MAN1A2: variants seen among roughly 807,000 people sequenced by gnomAD.
MAN1A2 encodes the protein mannosidase alpha class 1A member 2, also known as mannosyl-oligosaccharide 1,2-alpha-mannosidase IB.
Under a neutral mutation model 75.7 loss-of-function variants are expected in MAN1A2, and 26 were observed. The observed-to-expected ratio is 0.34, with a 90% CI of 0.25 to 0.48. The LOEUF (loss-of-function observed/expected upper bound fraction) is 0.48. Among genes scored for constraint, MAN1A2 ranks in the 20% least tolerant of loss-of-function variants. The pLI, the probability that MAN1A2 is intolerant of heterozygous loss-of-function variation, is 0.99. For missense variants in MAN1A2, 562 were observed against 775.5 expected, an observed-to-expected ratio of 0.72 and a Z score of 3.27; for synonymous variants, 247 against 264.6, an observed-to-expected ratio of 0.93 and a Z score of 0.65.
At chr1:117,371,741 C>T (rs902881268) in intron 1 of MAN1A2, among the ~76,000 whole-genome samples, 8 of 152,126 alleles carry the variant, frequency 5.3e-5, no homozygotes, top group African/African-American at 9.7e-5. Flanking sequence ...GTTTTTTGGC[C>T]TCCTTATTGT....
chr1:117,496,948 T>G lies in MAN1A2; in HGVS notation c.1470T>G (p.Ile490Met). The change falls in exon 10 of 13, where the codon ATT becomes ATG. Residue 490 changes from isoleucine (I) to methionine (M), a missense_variant. Transcript: ENST00000356554. ...AGHYLELGAE[I>M]ARTCHESYDR... ...ATTATTTAGAGCTAGGGGCAGAAAT[T>G]GCACGTACTTGTCATGAGTCATATG... The G allele has an allele frequency of 6.2e-7, 1 of 1,612,326 alleles. No individual in the cohort carries two copies. Among genetic ancestry groups the G allele is most frequent in the Non-Finnish European group, 8.5e-7 (1 of 1,179,010 alleles).
Position 117,442,134 on chromosome 1 carries a change from C to T in MAN1A2, c.856-97C>T, listed in dbSNP as rs966556039. 1.7e-4 allele frequency: 130 copies of T among 781,684 alleles called. No homozygotes were observed. The African/African-American group carries it at 2.1e-3, about 12-fold the overall frequency. 48.4% of individuals were successfully genotyped at this position (781,684 alleles called of 1,614,324 possible). A position where few individuals can be genotyped will look rare whatever the true frequency, so the allele number is the denominator to read the frequency against. ...TTTTCCTACCCTGTGCTCCCGTGTA[C>T]CCAGTACCTTGTGCTATGTATACTA... On this transcript the variant is annotated intron_variant, in intron 5 of 12. Transcript: ENST00000356554.
chr1:117,394,086 CTT>C (rs200109590), intron 1 of MAN1A2, among the ~76,000 whole-genome samples: 4 of 143,296 alleles, frequency 2.8e-5, no homozygotes, highest in African/African-American at 2.6e-5. Context: ...AGTGGGTTTC[CTT>C]TTTTTTTTTT....
At chr1:117,451,230 C>T (rs1306771454) in intron 6 of MAN1A2, among the ~76,000 whole-genome samples, 1 of 152,188 alleles carries the variant, frequency 6.6e-6, no homozygotes, top group Non-Finnish European at 1.5e-5. Context: ...CTTGACTGAC[C>T]CAATGGATTT....
intron 1 of MAN1A2, among the ~76,000 whole-genome samples, chr1:117,395,314 G>T (rs1051606566): frequency 6.6e-6 from 1 of 152,142 alleles, no homozygotes; most frequent in Non-Finnish European, 1.5e-5. Context: ...AAGTCAAAAT[G>T]CATTTGTTTA....
chr1:117,429,486 A>AC (rs1314215321), intron 5 of MAN1A2, among the ~76,000 whole-genome samples: 3,889 of 42,068 alleles, frequency 0.092, 605 homozygotes, highest in East Asian at 0.23. Flanking sequence ...CGGGGGGCCG[A>AC]CACCCCCACC....
In MAN1A2 at chr1:117,382,377, T is replaced by C. The variant is rs1468793282; in HGVS notation, c.302+13892T>C. ...TTTTGTATAAGGTGTAAGGAAGGGA[T>C]CCAGTTTCAGCTTTCTACATATGGC... On this transcript the variant is annotated intron_variant, in intron 1 of 12. Coordinates refer to ENST00000356554, the MANE Select transcript of MAN1A2 (RefSeq NM_006699.5). Among the ~76,000 whole-genome samples, 35 of 152,344 alleles carry C rather than the reference T, an allele frequency of 2.3e-4. 2 individuals are homozygous for C. The South Asian group carries it at 6.6e-3, about 29-fold the overall frequency.
At chr1:117,501,492 T>C (rs1651200240) in intron 11 of MAN1A2, among the ~76,000 whole-genome samples, 1 of 151,824 alleles carries the variant, frequency 6.6e-6, no homozygotes, top group African/African-American at 2.4e-5. Context: ...TGTTTACATA[T>C]TCAAACTTCC....
chr1:117,456,199 G>T (rs1162535468), intron 6 of MAN1A2, among the ~76,000 whole-genome samples: 1 of 152,028 alleles, frequency 6.6e-6, no homozygotes, highest in African/African-American at 2.4e-5. Context: ...CAGGTTGAAC[G>T]TTCAAGAGTA....
intron 1 of MAN1A2, among the ~76,000 whole-genome samples, chr1:117,376,113 C>T (rs10923274): frequency 0.12 from 18,818 of 151,884 alleles, 1,227 homozygotes; most frequent in Non-Finnish European, 0.14. Flanking sequence ...GGTTTCACCG[C>T]GTTAGCCAGG....
At chr1:117,515,472 G>A (rs556740040) in intron 12 of MAN1A2, 2 of 152,200 alleles carry the variant, frequency 1.3e-5, no homozygotes, top group African/African-American at 4.8e-5. Context: ...GGCCAGAGTA[G>A]TCATGAAGAA....
At chr1:117,466,282 C>A in intron 7 of MAN1A2, 52 bp from the exon 8 acceptor site, 2 of 1,196,030 alleles carry the variant, frequency 1.7e-6, no homozygotes, top group Admixed American at 1.9e-5. Context: ...TAAAACCAAG[C>A]CTTGATGACA....
chr1:117,398,424 A>C (rs1647290423), intron 1 of MAN1A2, among the ~76,000 whole-genome samples: 1 of 152,182 alleles, frequency 6.6e-6, no homozygotes, highest in Non-Finnish European at 1.5e-5. Flanking sequence ...CTGTAATCCC[A>C]GCACTTTGGG....
intron 5 of MAN1A2, among the ~76,000 whole-genome samples, chr1:117,431,194 A>G (rs865857668): frequency 2.1e-3 from 31 of 14,842 alleles, no homozygotes; most frequent in African/African-American, 3.1e-3. Flanking sequence ...CCGTGGGGAG[A>G]GGGAGGGGGA....
intron 5 of MAN1A2, 87 bp downstream of exon 5, chr1:117,420,736 G>A (rs1056114147): frequency 1.0e-6 from 1 of 976,244 alleles, no homozygotes. Context: ...AAGCATATTA[G>A]TTTTCTAAAT....
chr1:117,468,016 T>A (rs1650033211), intron 8 of MAN1A2, among the ~76,000 whole-genome samples: 1 of 152,156 alleles, frequency 6.6e-6, no homozygotes, highest in African/African-American at 2.4e-5. Flanking sequence ...TCAGTTTTCC[T>A]GTATATTATT....
chr1:117,478,496 G>A (rs1001062498), intron 8 of MAN1A2, among the ~76,000 whole-genome samples: 6 of 151,972 alleles, frequency 3.9e-5, no homozygotes, highest in South Asian at 2.1e-4. Flanking sequence ...ACTCAAGCAC[G>A]CCTAACCCAA....
At chr1:117,444,423 G>A (rs1649144476) in intron 6 of MAN1A2, among the ~76,000 whole-genome samples, 1 of 150,212 alleles carries the variant, frequency 6.7e-6, no homozygotes, top group Non-Finnish European at 1.5e-5. Context: ...CTGTGGGACA[G>A]ATTTCTAGAT....
chr1:117,391,502 C>G (rs1031250418), intron 1 of MAN1A2, among the ~76,000 whole-genome samples: 3 of 152,154 alleles, frequency 2.0e-5, no homozygotes, highest in Admixed American at 6.5e-5. Context: ...GTTACATTCT[C>G]TTGACATATT....
Sources: gnomAD v4.1 joint callset for allele counts (sites outside exome capture counted in the v4.1 genomes callset) on GRCh38, gnomAD v4.1.1 for gene constraint, MANE v1.5 for transcripts, NCBI Gene and HGNC (gene_info 2026-07-23, HGNC 2026-07-21) for gene names.